The following DNAH2 variants were observed in gnomAD, a reference collection of about 807,000 sequenced individuals.
DNAH2 encodes dynein axonemal heavy chain 2, also known as axonemal beta dynein heavy chain 2.
A neutral mutation model predicts 523.5 loss-of-function variants in DNAH2; 323 were observed. That is an observed-to-expected ratio of 0.62 (90% CI 0.56 to 0.68). DNAH2 has a LOEUF of 0.68. DNAH2 is among the 30% of genes least tolerant of loss of function. DNAH2 has a pLI of 0.00. For synonymous variants in DNAH2, 2,093 were observed against 2,177.4 expected, an observed-to-expected ratio of 0.96 and a Z score of 1.08; for missense variants, 4,907 against 5,701.5, an observed-to-expected ratio of 0.86 and a Z score of 4.49.
At chr17:7,793,229 T>G in intron 48 of DNAH2, 24 bp downstream of exon 48, 1 of 1,605,726 alleles carries the variant, frequency 6.2e-7, no homozygotes, top group Non-Finnish European at 8.5e-7. Flanking sequence ...GAGTCTGTTC[T>G]TCAGGCCTCT....
Position 7,792,652 on chromosome 17 carries a change from C to T in DNAH2, c.7146-5C>T, listed in dbSNP as rs760952679. 4 of 1,613,296 alleles carry T rather than the reference C, an allele frequency of 2.5e-6. No homozygotes were observed. Among genetic ancestry groups the T allele is most frequent in the African/African-American group, 1.3e-5 (1 of 74,998 alleles). ...CCTTGAGAGCCGGCCCCTGCTCTTC[C>T]CTAGCGCCCCCTTCTATAAGATCAT... is the stretch of plus-strand genomic sequence containing the variant. On this transcript the variant is annotated splice_polypyrimidine_tract_variant and splice_region_variant and intron_variant, in intron 46 of 85. Coordinates refer to ENST00000572933, the MANE Select transcript of DNAH2 (RefSeq NM_020877.5).
chr17:7,825,472 A>C (rs2077993559), intron 77 of DNAH2, among the ~76,000 whole-genome samples: 1 of 152,220 alleles, frequency 6.6e-6, no homozygotes, highest in Non-Finnish European at 1.5e-5. Flanking sequence ...CACTTGGGGC[A>C]GCTGTCACAG....
At chr17:7,746,078 C>T (rs2075510763) in intron 12 of DNAH2, among the ~76,000 whole-genome samples, 1 of 152,198 alleles carries the variant, frequency 6.6e-6, no homozygotes. Flanking sequence ...AATGAACAAC[C>T]AAGAAGCATT....
At chr17:7,778,772 T>C (rs577763050) in intron 35 of DNAH2, among the ~76,000 whole-genome samples, 148 of 152,150 alleles carry the variant, frequency 9.7e-4, no homozygotes, top group Non-Finnish European at 1.4e-3. Flanking sequence ...TTTCACCATC[T>C]TGGCCAGGCT....
chr17:7,780,675 C>T lies in DNAH2; in HGVS notation c.5896C>T (p.Gln1966Ter). 6.2e-7 allele frequency: 1 copy of T among 1,614,204 alleles called. No homozygotes were observed. Among genetic ancestry groups the T allele is most frequent in the Non-Finnish European group, 8.5e-7 (1 of 1,180,036 alleles). Residue 1966 changes from glutamine (Q) to a stop codon, truncating the protein, a stop_gained, in exon 38 of 86, where the codon CAG becomes TAG. Transcript: ENST00000572933. LOFTEE classifies it high-confidence loss of function. This position sits in a 1 kb window ranked among gnomAD's most constrained non-coding sequence, Gnocchi z 4.4. Reference protein sequence around the residue: ...VYTLYSLAVQQLSRQDHYDFG... With the variant: ...VYTLYSLAVQ Reference sequence around the variant, plus strand: ...CACACTCTACTCACTGGCTGTGCAGCAGCTGTCCAGACAGGACCACTATGA... The same window carrying T: ...CACACTCTACTCACTGGCTGTGCAGTAGCTGTCCAGACAGGACCACTATGA...
In DNAH2 at chr17:7,734,505, A is replaced by T. The variant is rs778393166; in HGVS notation, c.775A>T (p.Met259Leu). 6 of 1,613,784 alleles carry T rather than the reference A, an allele frequency of 3.7e-6. No homozygotes were observed. In the Admixed American group the frequency reaches 1.0e-4, roughly 27 times the overall value. Reference protein sequence around the residue: ...MIHWTRQIKEMLSAQETVETG... With the variant: ...MIHWTRQIKELLSAQETVETG... ...CCACTGGACCCGGCAGATAAAGGAG[A>T]TGCTCAGTGCCCAGGAGACTGTGGA... The change falls in exon 7 of 86, where the codon ATG (methionine) becomes TTG (leucine). Residue 259 changes from methionine to leucine, a missense_variant. Met to Leu is a conservative substitution (Grantham distance 15). Around this residue, in one of 3 missense-constraint regions of DNAH2, gnomAD observed 2,806 missense variants for 3,190.8 expected, o/e 0.88. Coordinates refer to ENST00000572933, the MANE Select transcript of DNAH2 (RefSeq NM_020877.5).
rs914546643 is a variant in DNAH2 at position 7,824,443 on chromosome 17, C to T, written c.11663-94C>T. On this transcript the variant is annotated intron_variant, in intron 76 of 85. Transcript: ENST00000572933. ...GAAGTGGCAGATCTTAGTGTTAGGC[C>T]CCCCCAGCACCCCCACCCCAACACC... is the stretch of plus-strand genomic sequence containing the variant. The T allele has an allele frequency of 5.0e-6, 7 of 1,388,284 alleles. No homozygotes were observed. In the Admixed American group the frequency reaches 9.1e-5, roughly 18 times the overall value. The allele number at this position is 1,388,284 out of a possible 1,614,324, so 86.0% of individuals were successfully genotyped here.
chr17:7,740,811 C>G lies in DNAH2; in HGVS notation c.1508C>G (p.Ala503Gly). 6.2e-7 allele frequency: 1 copy of G among 1,604,542 alleles called. No individual in the cohort carries two copies. Among genetic ancestry groups the G allele is most frequent in the Non-Finnish European group, 8.5e-7 (1 of 1,172,030 alleles). ...CAGCCTCTTCCTCTTCTTCCCTAGGCTATCAAGCGGACTTATGACAAGAAG... is the reference window on the plus strand; with the variant it reads ...CAGCCTCTTCCTCTTCTTCCCTAGGGTATCAAGCGGACTTATGACAAGAAG... ...DTFHRLASREAIKRTYDKKAV... is the reference protein window; with the variant it reads ...DTFHRLASREGIKRTYDKKAV... Residue 503 changes from alanine (A) to glycine (G), a missense_variant and splice_region_variant, in exon 11 of 86, where the codon GCT (alanine) becomes GGT (glycine). By Grantham distance (60) the Ala-to-Gly change is moderately conservative. Coordinates refer to ENST00000572933, the MANE Select transcript of DNAH2 (RefSeq NM_020877.5).
chr17:7,734,987 T>A (rs2075100118), intron 7 of DNAH2, among the ~76,000 whole-genome samples: 2 of 151,918 alleles, frequency 1.3e-5, no homozygotes, highest in African/African-American at 4.8e-5. Flanking sequence ...CAAAACAGGA[T>A]TACTAGACAG....
At position 7,787,273 on chromosome 17, in the gene DNAH2, G is replaced by A. The variant is rs911532810; in HGVS notation, c.6603+240G>A. ...TTGTAAGCACTGTGTAGGCTTGGGC[G>A]GCCCTCCTCGGCTCGTTCTCACGGA... On this transcript the variant is annotated intron_variant, in intron 42 of 85. Coordinates refer to ENST00000572933, the MANE Select transcript of DNAH2 (RefSeq NM_020877.5). The A allele has an allele frequency of 1.0e-5, 6 of 572,540 alleles. 1 individual carries two copies. Among genetic ancestry groups the A allele is most frequent in the East Asian group, 8.8e-5 (3 of 34,068 alleles). The allele number at this position is 572,540 out of a possible 1,614,324, so 35.5% of individuals were successfully genotyped here. A position where few individuals can be genotyped will look rare whatever the true frequency, so the allele number is the denominator to read the frequency against.
chr17:7,823,964 T>C lies in DNAH2; in HGVS notation c.11460T>C (p.Pro3820=), dbSNP rs1378067257. 1 of 1,613,520 alleles carries C rather than the reference T, an allele frequency of 6.2e-7. No homozygotes were observed. The highest frequency in any genetic ancestry group is 8.5e-7 in the Non-Finnish European group (1 of 1,179,986). Residue 3820 remains proline, a synonymous_variant, in exon 75 of 86, where the codon CCT becomes CCC. Coordinates refer to ENST00000572933, the MANE Select transcript of DNAH2 (RefSeq NM_020877.5). ...TTGGCTCCCGCTTCATCGAGCCGCC[T>C]GTGCTGAATATGAAGTCGGTCGGTG... ...TNLGSRFIEP[P]VLNMKSVLED...
chr17:7,741,236 C>CTCTTTCTTTCTT (rs71387996), intron 11 of DNAH2, among the ~76,000 whole-genome samples: 1,668 of 85,598 alleles, frequency 0.019, 109 homozygotes, highest in Middle Eastern at 0.03. Context: ...TTTTCTCTCT[C>CTCTTTCTTTCTT]TCTTTCTTTC....
chr17:7,818,052 A>G lies in DNAH2; in HGVS notation c.10343A>G (p.Asp3448Gly). Residue 3448 changes from aspartate (D) to glycine (G), a missense_variant, in exon 68 of 86, where the codon GAC becomes GGC. Around this residue, in one of 3 missense-constraint regions of DNAH2, gnomAD observed 1,851 missense variants for 2,139.4 expected, o/e 0.87. Coordinates refer to ENST00000572933, the MANE Select transcript of DNAH2 (RefSeq NM_020877.5). Reference sequence around the variant, plus strand: ...CTTCAGAACGTGCAGGAATATCTGGACCCCACACTGAACCCCATGCTCAAC... The same window carrying G: ...CTTCAGAACGTGCAGGAATATCTGGGCCCCACACTGAACCCCATGCTCAAC... ...VLLQNVQEYL[D>G]PTLNPMLNKS... 1 of 1,613,662 alleles carries G rather than the reference A, an allele frequency of 6.2e-7. No individual in the cohort carries two copies. Among genetic ancestry groups the G allele is most frequent in the Non-Finnish European group, 8.5e-7 (1 of 1,180,024 alleles).
At chr17:7,728,054 C>G (rs1442452500) in intron 4 of DNAH2, among the ~76,000 whole-genome samples, 2 of 152,136 alleles carry the variant, frequency 1.3e-5, no homozygotes, top group African/African-American at 4.8e-5. Context: ...TTGGGGTCAG[C>G]TTATGAAGGG....
intron 77 of DNAH2, among the ~76,000 whole-genome samples, chr17:7,826,756 C>G (rs1437790783): frequency 1.3e-5 from 2 of 151,930 alleles, no homozygotes; most frequent in African/African-American, 4.8e-5. Flanking sequence ...CCAGGCTGGT[C>G]TTGAACTCCT....
rs200250816 is a variant in DNAH2 at position 7,734,520 on chromosome 17, G to C, written c.790G>C (p.Glu264Gln). Residue 264 changes from glutamate to glutamine, a missense_variant, in exon 7 of 86, where the codon GAG becomes CAG. Around this residue, in one of 3 missense-constraint regions of DNAH2, gnomAD observed 2,806 missense variants for 3,190.8 expected, o/e 0.88. Transcript: ENST00000572933. ...GATAAAGGAGATGCTCAGTGCCCAG[G>C]AGACTGTGGAGACAGGAGAAAATTT... ...RQIKEMLSAQ[E>Q]TVETGENLGP... 40 of 1,613,816 alleles carry C rather than the reference G, an allele frequency of 2.5e-5. 1 individual carries two copies. The highest frequency in any genetic ancestry group is 1.6e-4 in the Middle Eastern group (1 of 6,084).
In DNAH2 at chr17:7,793,014, A is replaced by C; in HGVS notation, c.7378A>C (p.Ser2460Arg). The C allele has an allele frequency of 6.2e-7, 1 of 1,613,748 alleles. No homozygotes were observed. Among genetic ancestry groups the C allele is most frequent in the South Asian group, 1.1e-5 (1 of 91,062 alleles). Residue 2460 changes from serine (S) to arginine (R), a missense_variant, in exon 48 of 86, where the codon AGC (serine) becomes CGC (arginine). Ser to Arg is a moderately radical substitution (Grantham distance 110). Around this residue, in one of 3 missense-constraint regions of DNAH2, gnomAD observed 2,806 missense variants for 3,190.8 expected, o/e 0.88. Transcript: ENST00000572933. ...CAATAACGTGCAGAGCATCATTGAG[A>C]GCAGGGTTGAGAAGCGAACCAAGGG... ...TSNNVQSIIE[S>R]RVEKRTKGVY...
At position 7,763,948 on chromosome 17, in the gene DNAH2, G is replaced by T. The variant is rs1303102702; in HGVS notation, c.3096G>T (p.Gln1032His). 3 of 1,614,098 alleles carry T rather than the reference G, an allele frequency of 1.9e-6. No homozygotes were observed. The highest frequency in any genetic ancestry group is 2.5e-6 in the Non-Finnish European group (3 of 1,180,052). The change falls in exon 19 of 86, where the codon CAG becomes CAT. Residue 1032 changes from glutamine (Q) to histidine (H), a missense_variant. Gln to His is a conservative substitution (Grantham distance 24, BLOSUM62 0). This residue lies in a region of DNAH2 where 2,806 missense variants were observed against 3,190.8 expected (regional missense o/e 0.88). Transcript: ENST00000572933. ...TGGTGCAGCACTGCAATGAATGGCA[G>T]AACAAGTTCGCGACTCTGCTCAGGG... ...FSLVQHCNEW[Q>H]NKFATLLREM... is the part of the protein sequence containing the mutation.
In DNAH2 at chr17:7,796,347, C is replaced by CCCTA. The variant is rs2151283435; in HGVS notation, c.7675-116_7675-113dup. On this transcript the variant is annotated intron_variant, in intron 49 of 85. Coordinates refer to ENST00000572933, the MANE Select transcript of DNAH2 (RefSeq NM_020877.5). ...TACAGGCATGAGCCACCGTGCCCGGCCCTAGGATTTTTTTTGACACCCCCT... is the reference window on the plus strand; with the variant it reads ...TACAGGCATGAGCCACCGTGCCCGGCCCTACCTAGGATTTTTTTTGACACCCCCT... The CCCTA allele has an allele frequency of 2.7e-5, 32 of 1,193,008 alleles. No homozygotes were observed. In the South Asian group the frequency reaches 4.9e-4, roughly 18 times the overall value. The allele number at this position is 1,193,008 out of a possible 1,614,324, so 73.9% of individuals were successfully genotyped here.
Sources: gnomAD v4.1 joint callset for allele counts (sites outside exome capture counted in the v4.1 genomes callset) on GRCh38, gnomAD v4.1.1 for gene constraint, gnomAD v4.1.1 regional missense constraint, Gnocchi (gnomAD v3.1) non-coding constraint, MANE v1.5 for transcripts, NCBI Gene and HGNC (gene_info 2026-07-23, HGNC 2026-07-21) for gene names.